Variants in ADK observed in about 807,000 individuals in gnomAD.
ADK encodes the protein N6,N6-dimethyladenosine kinase.
ADK carries 24 observed loss-of-function variants against 44.7 expected under a neutral mutation model. The observed-to-expected ratio is 0.54, with a 90% CI of 0.39 to 0.76. ADK has a LOEUF of 0.76. Ranked by LOEUF, ADK falls within the 30% of genes least tolerant of loss-of-function variation. The probability of loss-of-function intolerance (pLI) is 0.00; values close to 1 mark genes in which losing one functional copy is unlikely to be tolerated. For synonymous variants in ADK, 128 were observed against 142.6 expected, an observed-to-expected ratio of 0.90 and a Z score of 0.73; for missense variants, 321 against 425.1, an observed-to-expected ratio of 0.76 and a Z score of 2.15.
intron 7 of ADK, among the ~76,000 whole-genome samples, chr10:74,579,663 G>A (rs1851311825): frequency 6.6e-6 from 1 of 152,184 alleles, no homozygotes; most frequent in African/African-American, 2.4e-5. Context: ...TGGAGACAAA[G>A]CCAAGGTGGC....
intron 1 of ADK, among the ~76,000 whole-genome samples, chr10:74,160,705 G>A (rs969301807): frequency 2.7e-5 from 4 of 149,728 alleles, no homozygotes; most frequent in African/African-American, 9.9e-5. Context: ...GTGTGTGTGT[G>A]TGTGTGTGTG....
intron 7 of ADK, among the ~76,000 whole-genome samples, chr10:74,525,799 C>T (rs999668836): frequency 1.3e-5 from 2 of 151,960 alleles, no homozygotes; most frequent in Admixed American, 6.6e-5. Flanking sequence ...GGGTTATAGG[C>T]GCATGCCACC....
intron 8 of ADK, among the ~76,000 whole-genome samples, chr10:74,593,761 C>G (rs1851801481): frequency 6.6e-6 from 1 of 152,196 alleles, no homozygotes; most frequent in Admixed American, 6.5e-5. Flanking sequence ...TTCTACAGAA[C>G]TAGGTAGACT....
At chr10:74,303,447 G>T (rs962440858) in intron 3 of ADK, among the ~76,000 whole-genome samples, 1 of 151,988 alleles carries the variant, frequency 6.6e-6, no homozygotes, top group Non-Finnish European at 1.5e-5. Context: ...TTAATATGGA[G>T]CTCTTAAAAA....
intron 4 of ADK, chr10:74,371,975 G>T: frequency 1.2e-6 from 1 of 848,982 alleles, no homozygotes; most frequent in Non-Finnish European, 2.0e-6. Flanking sequence ...CCGTTGCTTT[G>T]TGTAACACAG....
At chr10:74,251,728 A>G (rs927670072) in intron 3 of ADK, among the ~76,000 whole-genome samples, 5 of 152,086 alleles carry the variant, frequency 3.3e-5, no homozygotes, top group Non-Finnish European at 5.9e-5. Context: ...TGTCTTGTAG[A>G]ACATAAGAGT....
chr10:74,327,027 A>G (rs1189231333), intron 4 of ADK, among the ~76,000 whole-genome samples: 1 of 151,240 alleles, frequency 6.6e-6, no homozygotes, highest in African/African-American at 2.4e-5. Flanking sequence ...TTAGGTCTCT[A>G]TTTCATTTAT....
intron 6 of ADK, among the ~76,000 whole-genome samples, chr10:74,422,054 A>G (rs1398164318): frequency 6.6e-5 from 10 of 152,144 alleles, no homozygotes; most frequent in Non-Finnish European, 1.3e-4. Flanking sequence ...AGTCATATCC[A>G]AAAATTGAGT....
rs1247412716 is a variant in ADK at position 74,309,987 on chromosome 10, A to T, written c.195-4680A>T. On this transcript the variant is annotated intron_variant, in intron 3 of 10. Coordinates refer to ENST00000539909, the MANE Select transcript of ADK (RefSeq NM_006721.4). The stretch of plus-strand genomic sequence containing the variant: ...TATTACTATATTCATCTTTGTTGTA[A>T]TTTTTTCCTGTAATAATGTAACATA... 2.0e-5 allele frequency among the ~76,000 whole-genome samples: 3 copies of T among 151,840 alleles called. No homozygotes were observed. The East Asian group carries it at 5.8e-4, about 29-fold the overall frequency.
intron 9 of ADK, among the ~76,000 whole-genome samples, chr10:74,663,102 T>G (rs985431083): frequency 6.6e-6 from 1 of 151,818 alleles, no homozygotes; most frequent in African/African-American, 2.4e-5. Context: ...CTGGGCATAG[T>G]GGTGCACGCC....
intron 7 of ADK, among the ~76,000 whole-genome samples, chr10:74,546,562 A>C (rs1849824957): frequency 6.6e-6 from 1 of 152,182 alleles, no homozygotes; most frequent in Non-Finnish European, 1.5e-5. Context: ...AGTACAGGAA[A>C]TATATCTGAA....
chr10:74,638,362 T>C (rs963884762), intron 9 of ADK, among the ~76,000 whole-genome samples: 5 of 152,208 alleles, frequency 3.3e-5, no homozygotes, highest in Non-Finnish European at 5.9e-5. Flanking sequence ...CCATAAATAC[T>C]TTCAATAAAG....
intron 9 of ADK, among the ~76,000 whole-genome samples, chr10:74,648,862 G>A (rs1405459994): frequency 1.3e-5 from 2 of 152,134 alleles, no homozygotes; most frequent in Admixed American, 6.5e-5. Flanking sequence ...GATTTTAATT[G>A]TAATTGCCAT....
At chr10:74,454,615 A>G (rs1845879267) in intron 6 of ADK, among the ~76,000 whole-genome samples, 1 of 152,176 alleles carries the variant, frequency 6.6e-6, no homozygotes, top group Admixed American at 6.5e-5. Context: ...TTCCCTCCTG[A>G]TATGTACATG....
intron 4 of ADK, among the ~76,000 whole-genome samples, chr10:74,373,013 A>G (rs1373998939): frequency 1.2e-4 from 19 of 152,178 alleles, no homozygotes; most frequent in Non-Finnish European, 1.5e-5. Flanking sequence ...AGAATTGAGA[A>G]CAGAAATAAG....
chr10:74,511,523 G>A (rs991469287), intron 6 of ADK, among the ~76,000 whole-genome samples: 15 of 152,182 alleles, frequency 9.9e-5, no homozygotes, highest in African/African-American at 3.6e-4. Context: ...TATCACCTTG[G>A]TTCAGTTTGT....
At chr10:74,415,808 G>A (rs983097002) in intron 6 of ADK, among the ~76,000 whole-genome samples, 4 of 151,904 alleles carry the variant, frequency 2.6e-5, no homozygotes, top group Admixed American at 2.0e-4. Context: ...AGTTTCAGTG[G>A]TATCTAGTTA....
intron 9 of ADK, among the ~76,000 whole-genome samples, chr10:74,666,728 T>A (rs1854967578): frequency 6.6e-6 from 1 of 152,124 alleles, no homozygotes; most frequent in African/African-American, 2.4e-5. Flanking sequence ...TACCTGTAAG[T>A]GTATATTCAG....
chr10:74,213,502 G>A (rs762190169), intron 2 of ADK, among the ~76,000 whole-genome samples: 9 of 149,342 alleles, frequency 6.0e-5, no homozygotes, highest in Non-Finnish European at 1.3e-4. Flanking sequence ...GGTATTTAAA[G>A]CAACCAGTAG....
Sources: allele counts gnomAD v4.1 joint callset (sites outside exome capture counted in the v4.1 genomes callset), GRCh38; gene constraint gnomAD v4.1.1; transcripts MANE v1.5; gene names NCBI Gene and HGNC (gene_info 2026-07-23, HGNC 2026-07-21).